The following EXOC2 variants were observed in gnomAD, a reference collection of about 807,000 sequenced individuals.
EXOC2 encodes the protein SEC5-like 1.
Under a neutral mutation model 131.8 loss-of-function variants are expected in EXOC2, and 70 were observed. That is an observed-to-expected ratio of 0.53 (90% CI 0.44 to 0.65). The LOEUF (loss-of-function observed/expected upper bound fraction) is 0.65. EXOC2 is among the 30% of genes least tolerant of loss of function. The pLI is 0.00. For synonymous variants in EXOC2, 411 were observed against 398.4 expected (o/e 1.03, Z -0.38); for missense variants, 923 against 1,108.6 (o/e 0.83, Z 2.38).
intron 7 of EXOC2, among the ~76,000 whole-genome samples, chr6:604,360 C>T (rs953347118): frequency 2.0e-5 from 3 of 152,172 alleles, no homozygotes; most frequent in Non-Finnish European, 4.4e-5. Context: ...CTAGCAGCCA[C>T]GTCACCCTCA....
intron 23 of EXOC2, among the ~76,000 whole-genome samples, chr6:500,094 A>G (rs1763956595): frequency 6.6e-6 from 1 of 152,124 alleles, no homozygotes; most frequent in Admixed American, 6.6e-5. Context: ...AAACATATAT[A>G]CTGTAAAACA....
At chr6:497,147 C>T (rs536763843) in intron 25 of EXOC2, among the ~76,000 whole-genome samples, 1 of 152,158 alleles carries the variant, frequency 6.6e-6, no homozygotes, top group Non-Finnish European at 1.5e-5. Context: ...GATAATTTGG[C>T]AGAAGTCTTT....
At chr6:558,900 C>T (rs1415663265) in intron 17 of EXOC2, among the ~76,000 whole-genome samples, 1 of 152,060 alleles carries the variant, frequency 6.6e-6, no homozygotes, top group African/African-American at 2.4e-5. Context: ...TTGGACTCAA[C>T]TTTCTTATTA....
chr6:647,482 CT>C (rs1391196616), intron 1 of EXOC2, among the ~76,000 whole-genome samples: 1 of 148,694 alleles, frequency 6.7e-6, no homozygotes, highest in African/African-American at 2.5e-5. Context: ...TGCTGAGTGT[CT>C]TTTTCAAGAG....
At chr6:592,167 C>T (rs1331226220) in intron 11 of EXOC2, among the ~76,000 whole-genome samples, 5 of 152,148 alleles carry the variant, frequency 3.3e-5, no homozygotes, top group Non-Finnish European at 7.4e-5. Context: ...CAACATACAC[C>T]TGACGAGACG....
chr6:650,737 T>C (rs962272701), intron 1 of EXOC2, among the ~76,000 whole-genome samples: 2 of 152,216 alleles, frequency 1.3e-5, no homozygotes, highest in African/African-American at 4.8e-5. Context: ...GACTAAACTG[T>C]AAAATTATTT....
At chr6:556,702 A>ATC (rs1223955392) in intron 17 of EXOC2, 138 bp from the exon 18 acceptor site, 2 of 863,056 alleles carry the variant, frequency 2.3e-6, no homozygotes, top group Admixed American at 2.3e-5. Context: ...CTGAAAAGTC[A>ATC]TCTCCTAGTC....
chr6:582,816 A>G (rs1758988964), intron 11 of EXOC2, among the ~76,000 whole-genome samples: 1 of 152,100 alleles, frequency 6.6e-6, no homozygotes, highest in East Asian at 1.9e-4. Flanking sequence ...AAAGAGAATC[A>G]CTTAATCCAA....
chr6:522,031 G>A (rs1261093511), intron 23 of EXOC2, among the ~76,000 whole-genome samples: 2 of 152,158 alleles, frequency 1.3e-5, no homozygotes, highest in Non-Finnish European at 2.9e-5. Context: ...TCTATGGCTT[G>A]AGTAACCCTT....
chr6:570,722 G>T (rs1758232026), intron 13 of EXOC2, among the ~76,000 whole-genome samples: 1 of 152,208 alleles, frequency 6.6e-6, no homozygotes, highest in South Asian at 2.1e-4. Context: ...GTGCAGAGAA[G>T]TAATTTGCCT....
At chr6:663,645 A>G (rs1041975548) in intron 1 of EXOC2, among the ~76,000 whole-genome samples, 1 of 152,250 alleles carries the variant, frequency 6.6e-6, no homozygotes, top group African/African-American at 2.4e-5. Context: ...ACACAAGTCA[A>G]TAAATATGAT....
chr6:615,739 AG>A (rs1760966175), intron 6 of EXOC2, among the ~76,000 whole-genome samples: 1 of 151,582 alleles, frequency 6.6e-6, no homozygotes. Context: ...AAAAAAAAAA[AG>A]AAAAACCAGA....
intron 11 of EXOC2, among the ~76,000 whole-genome samples, chr6:591,391 C>CA (rs1684826468): frequency 6.6e-6 from 1 of 152,148 alleles, no homozygotes; most frequent in South Asian, 2.1e-4. Flanking sequence ...TCCAACCACA[C>CA]AGGATTCAGA....
intron 1 of EXOC2, among the ~76,000 whole-genome samples, chr6:650,763 CTA>C (rs1025251025): frequency 1.4e-4 from 22 of 151,978 alleles, no homozygotes; most frequent in African/African-American, 4.8e-4. Context: ...CTAAAACAAA[CTA>C]TTAGATTTTT....
intron 13 of EXOC2, 149 bp downstream of exon 13, chr6:572,371 G>A: frequency 1.0e-6 from 1 of 958,308 alleles, no homozygotes; most frequent in Non-Finnish European, 1.5e-6. Flanking sequence ...AAGTGAGAGG[G>A]CTTTATAATG....
chr6:503,407 G>A (rs1186737530), intron 23 of EXOC2, among the ~76,000 whole-genome samples: 1 of 152,126 alleles, frequency 6.6e-6, no homozygotes, highest in Non-Finnish European at 1.5e-5. Context: ...ATATATGCAG[G>A]ATGGCCATAT....
intron 21 of EXOC2, among the ~76,000 whole-genome samples, chr6:552,035 G>C (rs977369869): frequency 2.0e-5 from 3 of 152,218 alleles, no homozygotes; most frequent in African/African-American, 7.2e-5. Flanking sequence ...TGGCGGCTCT[G>C]ACTGGGCCAG....
chr6:617,375 T>C (rs997417474), intron 6 of EXOC2, among the ~76,000 whole-genome samples: 2 of 152,218 alleles, frequency 1.3e-5, no homozygotes, highest in African/African-American at 4.8e-5. Context: ...ACACAATGGG[T>C]TGCATTTATA....
In EXOC2 at chr6:637,683, C is replaced by A. The variant is rs1762165414; in HGVS notation, c.118+18G>T. 6.3e-7 allele frequency: 1 copy of A among 1,582,408 alleles called. No homozygotes were observed. The highest frequency in any genetic ancestry group is 8.6e-7 in the Non-Finnish European group (1 of 1,163,752). On this transcript the variant is annotated intron_variant, in intron 2 of 27. Transcript: ENST00000230449. ...AAAATCCGATTAGCAGGGTGCGTCGCAGGGCCTCTGCCCTTACCTATGAGG... is the reference window on the plus strand; with the variant it reads ...AAAATCCGATTAGCAGGGTGCGTCGAAGGGCCTCTGCCCTTACCTATGAGG...
Sources: allele counts gnomAD v4.1 joint callset (sites outside exome capture counted in the v4.1 genomes callset), GRCh38; gene constraint gnomAD v4.1.1; transcripts MANE v1.5; gene names NCBI Gene and HGNC (gene_info 2026-07-23, HGNC 2026-07-21).